MALRD1: variants seen among roughly 807,000 people sequenced by gnomAD.
MALRD1 encodes MAM and LDL-receptor class A domain-containing protein 1.
Under a neutral mutation model 242.1 loss-of-function variants are expected in MALRD1, and 247 were observed. The ratio of observed to expected loss-of-function variants is 1.02; its 90% CI spans 0.92 to 1.13. MALRD1 has a LOEUF of 1.13. Ranked by LOEUF, MALRD1 falls within the 50% of genes most tolerant of loss-of-function variation. The pLI is 0.00. For synonymous variants in MALRD1, 995 were observed against 866.6 expected (o/e 1.15, Z -2.60); for missense variants, 2,989 against 2,533.1 (o/e 1.18, Z -3.86).
chr10:19,712,703 T>C (rs1460049989), intron 38 of MALRD1, among the ~76,000 whole-genome samples: 1 of 152,212 alleles, frequency 6.6e-6, no homozygotes, highest in Non-Finnish European at 1.5e-5. Context: ...TAGAGCCATT[T>C]GTAGGGAAAA....
intron 29 of MALRD1, among the ~76,000 whole-genome samples, chr10:19,490,506 C>CGGAG (rs771119301): frequency 1.0e-4 from 2 of 19,886 alleles, no homozygotes. Context: ...CCAAGTGGGG[C>CGGAG]GGGGGGGGGG....
chr10:19,393,649 A>G (rs1383648549), intron 28 of MALRD1, among the ~76,000 whole-genome samples: 18 of 144,172 alleles, frequency 1.2e-4, no homozygotes, highest in South Asian at 2.2e-4. Context: ...GTAGAGACAG[A>G]GTTTCACCAT....
intron 38 of MALRD1, among the ~76,000 whole-genome samples, chr10:19,693,662 A>G (rs1833216212): frequency 6.6e-6 from 1 of 152,200 alleles, no homozygotes; most frequent in Admixed American, 6.5e-5. Flanking sequence ...AAGGTAATTT[A>G]TAGATTCAAT....
intron 36 of MALRD1, among the ~76,000 whole-genome samples, chr10:19,626,169 C>A (rs1157555585): frequency 1.3e-5 from 2 of 151,852 alleles, no homozygotes; most frequent in Non-Finnish European, 2.9e-5. Context: ...CAAGAATAGG[C>A]ATAAAAGTTG....
intron 14 of MALRD1, among the ~76,000 whole-genome samples, chr10:19,180,211 T>A (rs1366695053): frequency 6.6e-6 from 1 of 152,186 alleles, no homozygotes; most frequent in African/African-American, 2.4e-5. Flanking sequence ...GGAGAGACTC[T>A]TTCCTCTGCA....
chr10:19,157,858 G>A lies in MALRD1; in HGVS notation c.1656+2686G>A, dbSNP rs575930134. Among the ~76,000 whole-genome samples the A allele has an allele frequency of 9.2e-5, 14 of 152,058 alleles. No homozygotes were observed. In the South Asian group the frequency reaches 2.9e-3, roughly 32 times the overall value. On this transcript the variant is annotated intron_variant, in intron 12 of 39. Coordinates refer to ENST00000454679, the MANE Select transcript of MALRD1 (RefSeq NM_001142308.3). ...ACTTTAAAGCAACTTGAGCTTTCTC[G>A]TGAGTTGCCATTTCTAACAGCACGA...
chr10:19,129,381 G>A (rs565417635), intron 8 of MALRD1, among the ~76,000 whole-genome samples: 121 of 152,234 alleles, frequency 7.9e-4, no homozygotes, highest in African/African-American at 2.9e-3. Context: ...ATAGGGCAAA[G>A]TATGTGGGAA....
At chr10:19,048,484 T>C (rs1011695345), upstream of MALRD1, among the ~76,000 whole-genome samples, 1 of 152,150 alleles carries the variant, frequency 6.6e-6, no homozygotes, top group African/African-American at 2.4e-5. Context: ...TTGAATATGT[T>C]TTAGTGTCCA....
intron 10 of MALRD1, among the ~76,000 whole-genome samples, chr10:19,139,578 A>G (rs921924263): frequency 6.6e-6 from 1 of 152,350 alleles, no homozygotes; most frequent in East Asian, 1.9e-4. Context: ...TTCCACAGCC[A>G]GTGTGCTTTT....
At chr10:19,449,787 C>A (rs1038087280) in intron 28 of MALRD1, among the ~76,000 whole-genome samples, 2 of 152,112 alleles carry the variant, frequency 1.3e-5, no homozygotes, top group Non-Finnish European at 2.9e-5. Flanking sequence ...ACCTCCATGA[C>A]AGGAGTTTGC....
chr10:19,725,237 G>A (rs1050252319), intron 38 of MALRD1, among the ~76,000 whole-genome samples: 1 of 152,136 alleles, frequency 6.6e-6, no homozygotes, highest in East Asian at 1.9e-4. Flanking sequence ...CCGTGGGAGG[G>A]ACCTAGTGGG....
intron 18 of MALRD1, among the ~76,000 whole-genome samples, chr10:19,242,431 G>A (rs7087102): frequency 0.071 from 10,855 of 152,128 alleles, 445 homozygotes; most frequent in East Asian, 0.17. Context: ...TACCTGCTAG[G>A]TCCATTTGGT....
intron 26 of MALRD1, among the ~76,000 whole-genome samples, chr10:19,379,209 AGAT>A (rs1845733393): frequency 6.6e-6 from 1 of 152,042 alleles, no homozygotes; most frequent in Admixed American, 6.6e-5. Flanking sequence ...TCATCAGTGC[AGAT>A]GATGTTTTAT....
intron 38 of MALRD1, among the ~76,000 whole-genome samples, chr10:19,714,723 C>G (rs1293513504): frequency 6.6e-6 from 1 of 151,970 alleles, no homozygotes; most frequent in Non-Finnish European, 1.5e-5. Context: ...TGATAAAAGA[C>G]GGGAATCAGC....
chr10:19,147,499 G>C (rs1038673498), intron 11 of MALRD1, among the ~76,000 whole-genome samples: 1 of 152,154 alleles, frequency 6.6e-6, no homozygotes, highest in Non-Finnish European at 1.5e-5. Context: ...AAAATAGAAA[G>C]GGGACTATAA....
At chr10:19,645,605 A>G (rs1173488785) in intron 36 of MALRD1, among the ~76,000 whole-genome samples, 2 of 152,262 alleles carry the variant, frequency 1.3e-5, no homozygotes, top group East Asian at 3.9e-4. Flanking sequence ...GGAAACCATC[A>G]TTCTCAGCAA....
At chr10:19,489,185 C>G (rs751941960) in intron 29 of MALRD1, 1 of 471,752 alleles carries the variant, frequency 2.1e-6, no homozygotes, top group Non-Finnish European at 4.4e-6. Flanking sequence ...TAAACCTGCT[C>G]CTGCAAAAGT....
chr10:19,649,346 T>A (rs1840772645), intron 36 of MALRD1, among the ~76,000 whole-genome samples: 1 of 152,176 alleles, frequency 6.6e-6, no homozygotes, highest in African/African-American at 2.4e-5. Flanking sequence ...TAATTTATAC[T>A]CCCACCAATA....
intron 2 of MALRD1, among the ~76,000 whole-genome samples, chr10:19,083,689 T>G (rs1835567761): frequency 6.6e-6 from 1 of 151,958 alleles, no homozygotes; most frequent in African/African-American, 2.4e-5. Context: ...TAGCACCATT[T>G]TACTCATTCT....
Sources: allele counts gnomAD v4.1 joint callset (sites outside exome capture counted in the v4.1 genomes callset), GRCh38; gene constraint gnomAD v4.1.1; transcripts MANE v1.5; gene names NCBI Gene and HGNC (gene_info 2026-07-23, HGNC 2026-07-21).